The following RTN1 variants were observed in gnomAD, a reference collection of about 807,000 sequenced individuals.
RTN1 encodes the protein reticulon-1.
In RTN1, 25 loss-of-function variants were observed where a neutral mutation model predicts 65.5. The observed-to-expected ratio is 0.38, with a 90% CI of 0.28 to 0.53. RTN1 has a LOEUF of 0.53. RTN1 is among the 20% of genes least tolerant of loss of function. The pLI is 0.79. For synonymous variants in RTN1, 471 were observed against 447.6 expected (o/e 1.05, Z -0.66); for missense variants, 983 against 1,025.4 (o/e 0.96, Z 0.57).
intron 1 of RTN1, among the ~76,000 whole-genome samples, chr14:59,772,483 C>G (rs1885976549): frequency 1.3e-5 from 2 of 151,690 alleles, no homozygotes; most frequent in Non-Finnish European, 2.9e-5. Context: ...CAGTTTACAT[C>G]TTTCCGGATT....
At chr14:59,623,960 G>C (rs960541830) in intron 3 of RTN1, among the ~76,000 whole-genome samples, 12 of 152,294 alleles carry the variant, frequency 7.9e-5, no homozygotes, top group African/African-American at 2.6e-4. Context: ...TCTGAAGAAA[G>C]GGGATAAAAT....
At chr14:59,749,370 CTATATATCTATATCTATA>C (rs1566711670) in intron 1 of RTN1, among the ~76,000 whole-genome samples, 537 of 30,302 alleles carry the variant, frequency 0.018, 133 homozygotes, top group African/African-American at 0.035. Flanking sequence ...ATATATATAT[CTATATATCTATATCTATA>C]TATATCTATA....
At chr14:59,830,030 G>C (rs1339066207) in intron 1 of RTN1, among the ~76,000 whole-genome samples, 1 of 152,138 alleles carries the variant, frequency 6.6e-6, no homozygotes, top group Admixed American at 6.5e-5. Context: ...GTAACGACAA[G>C]GTATACTCTG....
chr14:59,858,232 T>G (rs17310036), intron 1 of RTN1, among the ~76,000 whole-genome samples: 6 of 152,162 alleles, frequency 3.9e-5, no homozygotes, highest in African/African-American at 1.4e-4. Flanking sequence ...AATAAATCAG[T>G]GCTTCTTACA....
Position 59,733,345 on chromosome 14 carries a change from T to A in RTN1, c.1016-5677A>T, listed in dbSNP as rs184373452. On this transcript the variant is annotated intron_variant, in intron 2 of 8. Transcript: ENST00000267484. Reference sequence around the variant, plus strand: ...CTGACCTCAAGTGATCCACCCACTTTGGCCTCCCAAATGCTGGGATTACAG... The same window carrying A: ...CTGACCTCAAGTGATCCACCCACTTAGGCCTCCCAAATGCTGGGATTACAG... Among the ~76,000 whole-genome samples, 7 of 152,294 alleles carry A rather than the reference T, an allele frequency of 4.6e-5. No individual in the cohort carries two copies. In the East Asian group the frequency reaches 1.4e-3, roughly 30 times the overall value.
intron 3 of RTN1, among the ~76,000 whole-genome samples, chr14:59,697,654 A>AC (rs2139444639): frequency 6.6e-6 from 1 of 152,324 alleles, no homozygotes; most frequent in South Asian, 2.1e-4. Context: ...TAGTACTTCC[A>AC]CCCAAAGTGC....
At chr14:59,807,964 C>T (rs1172586795) in intron 1 of RTN1, among the ~76,000 whole-genome samples, 1 of 151,996 alleles carries the variant, frequency 6.6e-6, no homozygotes, top group Admixed American at 6.6e-5. Flanking sequence ...AAATTCAGGA[C>T]CCTCTAAATT....
intron 1 of RTN1, among the ~76,000 whole-genome samples, chr14:59,832,971 C>T (rs1172302804): frequency 6.6e-6 from 1 of 152,212 alleles, no homozygotes; most frequent in Non-Finnish European, 1.5e-5. Flanking sequence ...TCCATGTGCT[C>T]TTCCAGCATG....
intron 4 of RTN1, 41 bp from the exon 5 acceptor site, chr14:59,605,547 A>T: frequency 6.2e-7 from 1 of 1,609,818 alleles, no homozygotes. Flanking sequence ...CGTCAGAGGG[A>T]ATCATGAGAC....
intron 1 of RTN1, among the ~76,000 whole-genome samples, chr14:59,765,220 A>C (rs958740086): frequency 6.6e-6 from 1 of 152,222 alleles, no homozygotes; most frequent in African/African-American, 2.4e-5. Flanking sequence ...TAGTGCATTT[A>C]AGTATAGCCT....
chr14:59,669,254 A>C (rs1284302946), intron 3 of RTN1, among the ~76,000 whole-genome samples: 1 of 152,184 alleles, frequency 6.6e-6, no homozygotes. Context: ...GCACATATAC[A>C]CCATGGAATA....
chr14:59,693,270 C>T (rs1883997616), intron 3 of RTN1, among the ~76,000 whole-genome samples: 1 of 152,204 alleles, frequency 6.6e-6, no homozygotes, highest in Non-Finnish European at 1.5e-5. Flanking sequence ...CACAATTTAT[C>T]TTTTGCAGCA....
At chr14:59,851,516 C>A (rs1174766767) in intron 1 of RTN1, among the ~76,000 whole-genome samples, 2 of 152,174 alleles carry the variant, frequency 1.3e-5, no homozygotes, top group South Asian at 4.1e-4. Context: ...TATATTACTT[C>A]TCTTCTTAAA....
chr14:59,870,737 A>G lies in RTN1; in HGVS notation c.-107T>C, dbSNP rs1034018919. 6.5e-5 allele frequency: 78 copies of G among 1,203,540 alleles called. No homozygotes were observed. The highest frequency in any genetic ancestry group is 7.7e-5 in the Non-Finnish European group (74 of 956,406). 74.6% of individuals were successfully genotyped at this position (1,203,540 alleles called of 1,614,324 possible). A position where few individuals can be genotyped will look rare whatever the true frequency, so the allele number is the denominator to read the frequency against. On this transcript the variant is annotated 5_prime_UTR_variant, in exon 1 of 9. Coordinates refer to ENST00000267484, the MANE Select transcript of RTN1 (RefSeq NM_021136.3). The surrounding 1 kb of genome is among the most constrained non-coding windows in gnomAD (Gnocchi z 5.1). Reference sequence around the variant, plus strand: ...CCCGGAGGGACTCGGCGCTCAGGGAAGCTGCGGTGTCTCAGCGTCGCCGCC... The same window carrying G: ...CCCGGAGGGACTCGGCGCTCAGGGAGGCTGCGGTGTCTCAGCGTCGCCGCC...
At chr14:59,601,462 C>T (rs1182373511) in intron 8 of RTN1, among the ~76,000 whole-genome samples, 3 of 152,162 alleles carry the variant, frequency 2.0e-5, no homozygotes, top group Non-Finnish European at 4.4e-5. Flanking sequence ...ATTTTGTCTG[C>T]ACCACTGGGC....
intron 3 of RTN1, among the ~76,000 whole-genome samples, chr14:59,649,456 T>C (rs1882976664): frequency 6.6e-6 from 1 of 151,994 alleles, no homozygotes; most frequent in Non-Finnish European, 1.5e-5. Context: ...TAAACTATCA[T>C]CAGCATGAAC....
At chr14:59,635,797 C>T (rs1191122639) in intron 3 of RTN1, among the ~76,000 whole-genome samples, 2 of 152,142 alleles carry the variant, frequency 1.3e-5, no homozygotes, top group Non-Finnish European at 2.9e-5. Flanking sequence ...TAAGTCCTCA[C>T]TTAACATCGT....
At chr14:59,720,035 A>T (rs1487276120) in intron 3 of RTN1, among the ~76,000 whole-genome samples, 2 of 152,180 alleles carry the variant, frequency 1.3e-5, no homozygotes, top group Non-Finnish European at 2.9e-5. Flanking sequence ...TGCATGCCCA[A>T]ACCAAATTTA....
intron 3 of RTN1, among the ~76,000 whole-genome samples, chr14:59,690,838 C>CT (rs1210202067): frequency 6.6e-6 from 1 of 151,920 alleles, no homozygotes; most frequent in East Asian, 1.9e-4. Context: ...CTCCGAATGA[C>CT]TTTTGGGTAA....
Sources: gnomAD v4.1 joint callset for allele counts (sites outside exome capture counted in the v4.1 genomes callset) on GRCh38, gnomAD v4.1.1 for gene constraint, Gnocchi (gnomAD v3.1) non-coding constraint, MANE v1.5 for transcripts, NCBI Gene and HGNC (gene_info 2026-07-23, HGNC 2026-07-21) for gene names.